Variants in UHRF2 observed in about 807,000 individuals in gnomAD.
The protein encoded by UHRF2 is ubiquitin like with PHD and ring finger domains 2.
A neutral mutation model predicts 96.8 loss-of-function variants in UHRF2; 23 were observed. The observed-to-expected ratio is 0.24, with a 90% CI of 0.17 to 0.34. The LOEUF (loss-of-function observed/expected upper bound fraction) is 0.34. Ranked by LOEUF, UHRF2 falls within the 10% of genes least tolerant of loss-of-function variation. UHRF2 has a pLI of 1.00. For synonymous variants in UHRF2, 385 were observed against 332.6 expected (o/e 1.16, Z -1.72); for missense variants, 685 against 981.5 (o/e 0.70, Z 4.04).
rs143152401 is a variant in UHRF2, at chr9:6,483,923, G to A, written c.1392+1824G>A. Among the ~76,000 whole-genome samples, 19 of 152,110 alleles carry A rather than the reference G, an allele frequency of 1.2e-4. No homozygotes were observed. The East Asian group carries it at 1.9e-3, about 16-fold the overall frequency. ...AGGCTGGTCTCGAACTCCCAACCTC[G>A]GGTGATCTGCCTGTCTCAGCCTCCC... On this transcript the variant is annotated intron_variant, in intron 8 of 15. Coordinates refer to ENST00000276893, the MANE Select transcript of UHRF2 (RefSeq NM_152896.3).
chr9:6,492,835 T>TC (rs1824743256), intron 9 of UHRF2: 1 of 148,838 alleles, frequency 6.7e-6, no homozygotes, highest in African/African-American at 2.4e-5. Context: ...CTTTTGGCTT[T>TC]TTTTTTTTTT....
chr9:6,421,705 C>T (rs1266915072), intron 2 of UHRF2, among the ~76,000 whole-genome samples: 1 of 152,168 alleles, frequency 6.6e-6, no homozygotes, highest in African/African-American at 2.4e-5. Context: ...GGGTGAGCCA[C>T]CTCGCCCAGC....
chr9:6,496,819 T>C (rs1825004097), intron 10 of UHRF2: 1 of 161,172 alleles, frequency 6.2e-6, no homozygotes, highest in African/African-American at 2.4e-5. Flanking sequence ...CTTACACCCT[T>C]ACCAAAGATC....
At chr9:6,429,666 G>A (rs866274294) in intron 2 of UHRF2, among the ~76,000 whole-genome samples, 3 of 152,148 alleles carry the variant, frequency 2.0e-5, no homozygotes, top group South Asian at 2.1e-4. Context: ...AACATTGAAC[G>A]TATATACTTA....
intron 4 of UHRF2, chr9:6,468,819 G>A: frequency 2.5e-6 from 1 of 394,506 alleles, no homozygotes; most frequent in East Asian, 7.2e-5. Flanking sequence ...GGATGGCTAA[G>A]GCATACAGGT....
chr9:6,500,049 T>C (rs1816202483), intron 13 of UHRF2, 118 bp downstream of exon 13: 1 of 778,836 alleles, frequency 1.3e-6, no homozygotes, highest in Non-Finnish European at 2.1e-6. Context: ...CTTGGCTCAC[T>C]GTAGCCTTGA....
At chr9:6,423,392 A>G (rs1229951081) in intron 2 of UHRF2, among the ~76,000 whole-genome samples, 1 of 152,206 alleles carries the variant, frequency 6.6e-6, no homozygotes, top group Non-Finnish European at 1.5e-5. Context: ...TAACATTGAC[A>G]TAAAACCTAA....
chr9:6,471,279 G>A (rs1823224913), intron 4 of UHRF2, among the ~76,000 whole-genome samples: 1 of 152,108 alleles, frequency 6.6e-6, no homozygotes, highest in Admixed American at 6.5e-5. Flanking sequence ...GGCTGTGCAG[G>A]AGAAATATGT....
At position 6,475,385 on chromosome 9, in the gene UHRF2, A is replaced by G. The variant is rs1280185465; in HGVS notation, c.864-6A>G. 1 of 1,509,072 alleles carries G rather than the reference A, an allele frequency of 6.6e-7. No homozygotes were observed. Among genetic ancestry groups the G allele is most frequent in the Non-Finnish European group, 8.9e-7 (1 of 1,127,344 alleles). 93.5% of individuals were successfully genotyped at this position (1,509,072 alleles called of 1,614,324 possible). On this transcript the variant is annotated splice_region_variant and splice_polypyrimidine_tract_variant and intron_variant, in intron 4 of 15. Coordinates refer to ENST00000276893, the MANE Select transcript of UHRF2 (RefSeq NM_152896.3). ...AGAAGTTAACCTTTCTTCCTTTTTT[A>G]AACAGGGGTTCTGAAGGAACATTAA...
chr9:6,491,007 C>G (rs539336688), intron 9 of UHRF2, among the ~76,000 whole-genome samples: 1 of 152,296 alleles, frequency 6.6e-6, no homozygotes, highest in South Asian at 2.1e-4. Context: ...AGCCAGTGAT[C>G]TTTGTTCTGT....
At chr9:6,445,539 A>C (rs965213669) in intron 3 of UHRF2, among the ~76,000 whole-genome samples, 5 of 152,040 alleles carry the variant, frequency 3.3e-5, no homozygotes, top group African/African-American at 4.8e-5. Flanking sequence ...GGAATTACAG[A>C]GGTGAGCCAC....
intron 1 of UHRF2, among the ~76,000 whole-genome samples, chr9:6,419,582 T>C (rs1819807265): frequency 6.6e-6 from 1 of 152,206 alleles, no homozygotes; most frequent in South Asian, 2.1e-4. Flanking sequence ...TTAATGTCTT[T>C]ATGAAAAATA....
chr9:6,461,492 C>T (rs1028642860), intron 4 of UHRF2, among the ~76,000 whole-genome samples: 4 of 151,270 alleles, frequency 2.6e-5, no homozygotes, highest in African/African-American at 7.3e-5. Context: ...CCTGCCTCAG[C>T]CTCCCAAGTA....
intron 4 of UHRF2, among the ~76,000 whole-genome samples, chr9:6,473,921 A>G (rs1458009440): frequency 6.6e-6 from 1 of 152,240 alleles, no homozygotes; most frequent in Non-Finnish European, 1.5e-5. Context: ...TCAAAAATCA[A>G]CACTGTGAGA....
At position 6,481,740 on chromosome 9, in the gene UHRF2, A is replaced by T; in HGVS notation, c.1258A>T (p.Thr420Ser). ...GAAAGCAAAGATGCCGTCAGCTAGT[A>T]CTGAAAGCCGAAGAGACTGGGGCAG... ...KKKAKMPSAS[T>S]ESRRDWGRGM... Residue 420 changes from threonine (T) to serine (S), a missense_variant, in exon 7 of 16, where the codon ACT becomes TCT. By Grantham distance (58) the Thr-to-Ser change is moderately conservative. Around this residue, in one of 6 missense-constraint regions of UHRF2, gnomAD observed 73 missense variants for 283.7 expected, o/e 0.26. Coordinates refer to ENST00000276893, the MANE Select transcript of UHRF2 (RefSeq NM_152896.3). 6.2e-7 allele frequency: 1 copy of T among 1,613,930 alleles called. No homozygotes were observed. The highest frequency in any genetic ancestry group is 8.5e-7 in the Non-Finnish European group (1 of 1,179,880).
chr9:6,462,089 CAAT>C (rs1172791551), intron 4 of UHRF2, among the ~76,000 whole-genome samples: 1 of 151,854 alleles, frequency 6.6e-6, no homozygotes, highest in African/African-American at 2.4e-5. Context: ...AATCTTGGAA[CAAT>C]GATTAAAAAT....
At chr9:6,419,853 C>T (rs4742199) in intron 1 of UHRF2, among the ~76,000 whole-genome samples, 102,299 of 151,994 alleles carry the variant, frequency 0.67, 36,818 homozygotes, top group South Asian at 0.82. Flanking sequence ...TGATCTCCCA[C>T]CTCAGCCTCC....
rs1287489351 is a variant in UHRF2, at chr9:6,506,524, T to G, written c.*345T>G. On this transcript the variant is annotated 3_prime_UTR_variant, in exon 16 of 16. Coordinates refer to ENST00000276893, the MANE Select transcript of UHRF2 (RefSeq NM_152896.3). ...ATTGAATAACTAGTTAAATGAAATT[T>G]TAGCTACACACTGCCTCCCAAATAT... 1 of 169,628 alleles carries G rather than the reference T, an allele frequency of 5.9e-6. No individual in the cohort carries two copies. Among genetic ancestry groups the G allele is most frequent in the African/African-American group, 2.4e-5 (1 of 42,074 alleles). 10.5% of individuals were successfully genotyped at this position (169,628 alleles called of 1,614,324 possible). A position where few individuals can be genotyped will look rare whatever the true frequency, so the allele number is the denominator to read the frequency against.
intron 3 of UHRF2, among the ~76,000 whole-genome samples, chr9:6,435,209 G>C (rs1227026141): frequency 1.3e-5 from 2 of 152,044 alleles, no homozygotes; most frequent in African/African-American, 4.8e-5. Flanking sequence ...GGCCAGGCTG[G>C]TCGCAAACTC....
Sources: gnomAD v4.1 joint callset for allele counts (sites outside exome capture counted in the v4.1 genomes callset) on GRCh38, gnomAD v4.1.1 for gene constraint, gnomAD v4.1.1 regional missense constraint, MANE v1.5 for transcripts, NCBI Gene and HGNC (gene_info 2026-07-23, HGNC 2026-07-21) for gene names.